CSNK1G1: variants seen among roughly 807,000 people sequenced by gnomAD.
The protein encoded by CSNK1G1 is casein kinase I isoform gamma-1.
Under a neutral mutation model 59.6 loss-of-function variants are expected in CSNK1G1, and 22 were observed. The observed-to-expected ratio is 0.37, with a 90% CI of 0.26 to 0.53. The LOEUF is 0.53. CSNK1G1 is among the 20% of genes least tolerant of loss of function. The probability of loss-of-function intolerance (pLI) is 0.89; values close to 1 mark genes in which losing one functional copy is unlikely to be tolerated. For missense variants in CSNK1G1, 384 were observed against 519.5 expected (o/e 0.74, Z 2.54); for synonymous variants, 179 against 177.1 (o/e 1.01, Z -0.08).
intron 4 of CSNK1G1, among the ~76,000 whole-genome samples, chr15:64,240,771 C>G (rs2082683226): frequency 2.0e-5 from 3 of 152,038 alleles, no homozygotes; most frequent in Non-Finnish European, 2.9e-5. Flanking sequence ...ACTGGACTTA[C>G]AAGAAATGCT....
chr15:64,278,406 GTGTGTGTGTGTGTATATATATA>G (rs1566930903), intron 2 of CSNK1G1, among the ~76,000 whole-genome samples: 4 of 128,890 alleles, frequency 3.1e-5, no homozygotes, highest in African/African-American at 1.4e-4. Context: ...GTGTGTGTGT[GTGTGTGTGTGTGTATATATATA>G]TATATTTTTT....
chr15:64,254,765 G>T (rs955111625), intron 3 of CSNK1G1, among the ~76,000 whole-genome samples: 1 of 152,104 alleles, frequency 6.6e-6, no homozygotes, highest in African/African-American at 2.4e-5. Context: ...TTAGAATTCT[G>T]TTGACAGTGT....
intron 4 of CSNK1G1, among the ~76,000 whole-genome samples, chr15:64,222,254 C>A (rs2082397179): frequency 6.8e-6 from 1 of 147,402 alleles, no homozygotes; most frequent in East Asian, 2.0e-4. Flanking sequence ...GAGAGGGGAA[C>A]AACACACACC....
At chr15:64,224,076 ATAAT>A (rs1216655094) in intron 4 of CSNK1G1, among the ~76,000 whole-genome samples, 1 of 152,238 alleles carries the variant, frequency 6.6e-6, no homozygotes, top group Non-Finnish European at 1.5e-5. Context: ...TTATTGCCTA[ATAAT>A]TAGTCTTTCA....
At chr15:64,257,378 A>G (rs1256020929) in intron 3 of CSNK1G1, among the ~76,000 whole-genome samples, 4 of 152,188 alleles carry the variant, frequency 2.6e-5, no homozygotes, top group African/African-American at 7.2e-5. Flanking sequence ...GTGTTTTAGG[A>G]AGTGCTTTGT....
rs1895280880 is a variant in CSNK1G1, at chr15:64,300,705, T to C, written c.-206A>G. The stretch of plus-strand genomic sequence containing the variant: ...AAATGTAGTCACTAGGTCTCAATCT[T>C]AGGTGAACATCTTGTAACCTAGGTA... On this transcript the variant is annotated 5_prime_UTR_variant, in exon 2 of 12. An upstream open reading frame in the 5' UTR loses its in-frame stop. Coordinates refer to ENST00000303052, the MANE Select transcript of CSNK1G1 (RefSeq NM_022048.5). 9 of 1,247,696 alleles carry C rather than the reference T, an allele frequency of 7.2e-6. No homozygotes were observed. The African/African-American group carries it at 1.1e-4, about 15-fold the overall frequency. The allele number at this position is 1,247,696 out of a possible 1,614,324, so 77.3% of individuals were successfully genotyped here.
chr15:64,282,474 C>G (rs1468406648), intron 2 of CSNK1G1, among the ~76,000 whole-genome samples: 1 of 151,988 alleles, frequency 6.6e-6, no homozygotes, highest in Non-Finnish European at 1.5e-5. Context: ...CCATGTTGAC[C>G]AAGCTGGTCT....
At chr15:64,322,089 G>A (rs931641683) in intron 1 of CSNK1G1, among the ~76,000 whole-genome samples, 9 of 151,686 alleles carry the variant, frequency 5.9e-5, no homozygotes, top group African/African-American at 2.2e-4. Context: ...TCCTCTCATG[G>A]AGCATAAGTA....
chr15:64,203,033 T>G (rs772862682), intron 10 of CSNK1G1, 49 bp downstream of exon 10: 3 of 1,386,286 alleles, frequency 2.2e-6, no homozygotes, highest in African/African-American at 2.8e-5. Flanking sequence ...GTTTTAATAT[T>G]AGCCAAGAAG....
chr15:64,207,494 C>T lies in CSNK1G1; in HGVS notation c.765+15G>A. ...CATTGAAACAAAGCCCTCCACTGAACACTTTCAAGGATACCTTGAGTCCTT... is the reference window on the plus strand; with the variant it reads ...CATTGAAACAAAGCCCTCCACTGAATACTTTCAAGGATACCTTGAGTCCTT... On this transcript the variant is annotated intron_variant, in intron 7 of 11. Transcript: ENST00000303052. 1 of 1,584,066 alleles carries T rather than the reference C, an allele frequency of 6.3e-7. No homozygotes were observed. The highest frequency in any genetic ancestry group is 2.2e-5 in the East Asian group (1 of 44,724).
chr15:64,342,782 G>A (rs1897743301), intron 1 of CSNK1G1: 2 of 152,132 alleles, frequency 1.3e-5, no homozygotes, highest in Non-Finnish European at 1.5e-5. Context: ...AATTTCCTCT[G>A]CCTAACTTTC....
intron 10 of CSNK1G1, among the ~76,000 whole-genome samples, chr15:64,196,741 C>T (rs2082043626): frequency 6.6e-6 from 1 of 151,830 alleles, no homozygotes; most frequent in Admixed American, 6.6e-5. Context: ...CGGGAGCCAC[C>T]ATGCCCAGCA....
At chr15:64,297,613 G>A (rs560535737) in intron 2 of CSNK1G1, among the ~76,000 whole-genome samples, 24 of 152,044 alleles carry the variant, frequency 1.6e-4, no homozygotes, top group Middle Eastern at 3.4e-3. Flanking sequence ...TAGGAGGATC[G>A]CTTGAGCCTG....
intron 1 of CSNK1G1, among the ~76,000 whole-genome samples, chr15:64,341,665 G>C (rs1259447877): frequency 2.0e-5 from 3 of 152,008 alleles, no homozygotes; most frequent in Non-Finnish European, 4.4e-5. Flanking sequence ...TATAGAGACA[G>C]AGTCTTGCTA....
intron 2 of CSNK1G1, among the ~76,000 whole-genome samples, chr15:64,259,483 T>TACACAC (rs59936401): frequency 0.054 from 7,551 of 139,702 alleles, 213 homozygotes; most frequent in East Asian, 0.094. Flanking sequence ...AAATCTCTCT[T>TACACAC]ACACACACAC....
At chr15:64,259,522 A>ACATG (rs1892581417) in intron 2 of CSNK1G1, among the ~76,000 whole-genome samples, 2 of 150,076 alleles carry the variant, frequency 1.3e-5, no homozygotes, top group African/African-American at 4.9e-5. Context: ...ACACACACAC[A>ACATG]CATGCATGCA....
At chr15:64,259,483 T>C (rs1345724890) in intron 2 of CSNK1G1, among the ~76,000 whole-genome samples, 15 of 139,708 alleles carry the variant, frequency 1.1e-4, no homozygotes, top group South Asian at 2.3e-4. Flanking sequence ...AAATCTCTCT[T>C]ACACACACAC....
At chr15:64,273,231 G>A (rs1272017938) in intron 2 of CSNK1G1, among the ~76,000 whole-genome samples, 1 of 152,080 alleles carries the variant, frequency 6.6e-6, no homozygotes, top group Non-Finnish European at 1.5e-5. Flanking sequence ...ATTATATAAT[G>A]TACAGATGTA....
intron 5 of CSNK1G1, among the ~76,000 whole-genome samples, chr15:64,215,988 T>C (rs187145637): frequency 6.6e-6 from 1 of 152,250 alleles, no homozygotes; most frequent in African/African-American, 2.4e-5. Context: ...CCTAGCACAT[T>C]GGGAGGCCGA....
Sources: gnomAD v4.1 joint callset for allele counts (sites outside exome capture counted in the v4.1 genomes callset) on GRCh38, gnomAD v4.1.1 for gene constraint, MANE v1.5 for transcripts, NCBI Gene and HGNC (gene_info 2026-07-23, HGNC 2026-07-21) for gene names.